FBXL20: variants seen among roughly 807,000 people sequenced by gnomAD.
FBXL20 encodes F-box and leucine rich repeat protein 20, also known as F-box/LRR-repeat protein 20.
Under a neutral mutation model 64.0 loss-of-function variants are expected in FBXL20, and 11 were observed. The ratio of observed to expected loss-of-function variants is 0.17; its 90% CI spans 0.11 to 0.28. The LOEUF is 0.28. Ranked by LOEUF, FBXL20 falls within the 10% of genes least tolerant of loss-of-function variation. FBXL20 has a pLI of 1.00. For missense variants in FBXL20, 303 were observed against 526.2 expected, an observed-to-expected ratio of 0.58 and a Z score of 4.15; for synonymous variants, 184 against 189.0, an observed-to-expected ratio of 0.97 and a Z score of 0.22.
intron 2 of FBXL20, among the ~76,000 whole-genome samples, chr17:39,324,651 A>G (rs1275558354): frequency 6.6e-6 from 1 of 152,204 alleles, no homozygotes; most frequent in African/African-American, 2.4e-5. Context: ...AAAATTGTGA[A>G]TTTAGAGTTT....
At chr17:39,395,464 C>T (rs954945861) in intron 1 of FBXL20, among the ~76,000 whole-genome samples, 2 of 152,134 alleles carry the variant, frequency 1.3e-5, no homozygotes, top group African/African-American at 4.8e-5. Flanking sequence ...CATGATTATG[C>T]AATAAAGAAA....
At chr17:39,288,213 C>T (rs933959070) in intron 6 of FBXL20, among the ~76,000 whole-genome samples, 3 of 151,974 alleles carry the variant, frequency 2.0e-5, no homozygotes, top group African/African-American at 4.8e-5. Flanking sequence ...ACGATCCGCC[C>T]ACCTTGGCCT....
At chr17:39,276,887 G>A (rs1409358922) in intron 9 of FBXL20, among the ~76,000 whole-genome samples, 1 of 152,118 alleles carries the variant, frequency 6.6e-6, no homozygotes, top group Non-Finnish European at 1.5e-5. Context: ...AGGAGTTCAA[G>A]GTTAGTCTGG....
chr17:39,346,781 G>C (rs987831767), intron 1 of FBXL20, among the ~76,000 whole-genome samples: 1 of 151,832 alleles, frequency 6.6e-6, no homozygotes, highest in Admixed American at 6.6e-5. Context: ...CCATGTTGGT[G>C]TGCTGCACCC....
At position 39,372,516 on chromosome 17, in the gene FBXL20, C is replaced by CAAA. The variant is rs747264126; in HGVS notation, c.42+28842_42+28844dup. On this transcript the variant is annotated intron_variant, in intron 1 of 14. Transcript: ENST00000264658. ...CCTGGCAACAGAGCGAGACTCTGAC[C>CAAA]AAAAAAAAAAAAAAAAAAAAAAAAA... Among the ~76,000 whole-genome samples the CAAA allele has an allele frequency of 2.8e-3, 116 of 41,160 alleles. 2 individuals carry two copies. The highest frequency in any genetic ancestry group is 8.2e-3 in the African/African-American group (109 of 13,218). 27.0% of individuals were successfully genotyped at this position (41,160 alleles called of 152,430 possible).
chr17:39,312,173 T>C (rs1357328635), intron 2 of FBXL20, among the ~76,000 whole-genome samples: 2 of 152,076 alleles, frequency 1.3e-5, no homozygotes, highest in African/African-American at 4.8e-5. Flanking sequence ...TCCCAGCACT[T>C]TAGGAGGCCG....
At chr17:39,390,002 C>G (rs1272746601) in intron 1 of FBXL20, among the ~76,000 whole-genome samples, 1 of 152,096 alleles carries the variant, frequency 6.6e-6, no homozygotes, top group Admixed American at 6.6e-5. Flanking sequence ...AGATTTTCAT[C>G]TTAGGAGACA....
In FBXL20 at chr17:39,264,183, T is replaced by C; in HGVS notation, c.1195A>G (p.Arg399Gly). ...CQQITRAGIK[R>G]LRTHLPNIKV... Reference sequence around the variant, plus strand: ...TATGTAGCCATTTTTACCCTGAGTCTCTTGATTCCAGCCCGTGTGATTTGC... The same window carrying C: ...TATGTAGCCATTTTTACCCTGAGTCCCTTGATTCCAGCCCGTGTGATTTGC... The change falls in exon 14 of 15, where the codon AGA (arginine) becomes GGA (glycine). Residue 399 changes from arginine (R) to glycine (G), a missense_variant. Arg to Gly is a moderately radical substitution (Grantham distance 125). This residue lies in a region of FBXL20 where 56 missense variants were observed against 86.0 expected (regional missense o/e 0.65). Transcript: ENST00000264658. The C allele has an allele frequency of 1.9e-6, 3 of 1,614,198 alleles. No individual in the cohort carries two copies. The highest frequency in any genetic ancestry group is 2.5e-6 in the Non-Finnish European group (3 of 1,180,008).
chr17:39,373,424 C>A (rs149479733), intron 1 of FBXL20, among the ~76,000 whole-genome samples: 3 of 152,110 alleles, frequency 2.0e-5, no homozygotes, highest in Admixed American at 2.0e-4. Flanking sequence ...CTTAGAACTG[C>A]GGGCTGGGGA....
At chr17:39,344,903 T>A (rs2047618220) in intron 1 of FBXL20, among the ~76,000 whole-genome samples, 1 of 152,216 alleles carries the variant, frequency 6.6e-6, no homozygotes. Flanking sequence ...CATCACTTGA[T>A]GCACTCAAGT....
At chr17:39,287,850 C>T (rs533229896) in intron 6 of FBXL20, among the ~76,000 whole-genome samples, 36 of 152,234 alleles carry the variant, frequency 2.4e-4, no homozygotes, top group African/African-American at 8.2e-4. Context: ...CATGAGGGAC[C>T]CAGTTTTTCC....
At chr17:39,355,036 A>T (rs1470498197) in intron 1 of FBXL20, among the ~76,000 whole-genome samples, 2 of 152,166 alleles carry the variant, frequency 1.3e-5, no homozygotes, top group Non-Finnish European at 2.9e-5. Flanking sequence ...GGTTCAAGTG[A>T]TTCTCCTGCC....
intron 1 of FBXL20, among the ~76,000 whole-genome samples, chr17:39,365,264 T>C (rs964410011): frequency 2.0e-5 from 3 of 152,252 alleles, no homozygotes; most frequent in East Asian, 1.9e-4. Context: ...TTTTTTCCAG[T>C]TGGCCAGTTT....
intron 5 of FBXL20, among the ~76,000 whole-genome samples, chr17:39,298,476 T>C (rs1175809145): frequency 6.6e-6 from 1 of 152,054 alleles, no homozygotes; most frequent in Non-Finnish European, 1.5e-5. Context: ...TCCAGCACTT[T>C]GGGAGGCTGA....
At chr17:39,402,371 C>T (rs2048257936), upstream of FBXL20, 1 of 467,460 alleles carries the variant, frequency 2.1e-6, no homozygotes, top group Non-Finnish European at 3.4e-6. Context: ...CGGGGCCGGA[C>T]GCTTGTCTCC....
At chr17:39,262,838 A>T (rs1183845472) in intron 14 of FBXL20, among the ~76,000 whole-genome samples, 6 of 151,648 alleles carry the variant, frequency 4.0e-5, no homozygotes, top group Non-Finnish European at 7.4e-5. Flanking sequence ...CTCTACTAAA[A>T]ATACAAAAAG....
chr17:39,287,097 G>C (rs2046995840), intron 6 of FBXL20, among the ~76,000 whole-genome samples: 1 of 151,642 alleles, frequency 6.6e-6, no homozygotes, highest in African/African-American at 2.4e-5. Context: ...ATTTTTAGTA[G>C]AGACGGGTTT....
At chr17:39,336,133 AG>A (rs1362435509) in intron 2 of FBXL20, among the ~76,000 whole-genome samples, 1 of 148,136 alleles carries the variant, frequency 6.8e-6, no homozygotes, top group Non-Finnish European at 1.5e-5. Context: ...GGGGAGGGGA[AG>A]GGAGGGGGAC....
intron 8 of FBXL20, 132 bp downstream of exon 8, chr17:39,282,597 A>C (rs2046957710): frequency 1.7e-6 from 2 of 1,193,028 alleles, no homozygotes. Context: ...ATTTTTGGTA[A>C]GCATTTGTCT....
Sources: allele counts gnomAD v4.1 joint callset (sites outside exome capture counted in the v4.1 genomes callset), GRCh38; gene constraint gnomAD v4.1.1; regional missense constraint gnomAD v4.1.1; transcripts MANE v1.5; gene names NCBI Gene and HGNC (gene_info 2026-07-23, HGNC 2026-07-21).